ACAD11: variants seen among roughly 807,000 people sequenced by gnomAD.
ACAD11 encodes the protein acyl-Coenzyme A dehydrogenase family, member 11.
ACAD11 carries 83 observed loss-of-function variants against 102.2 expected under a neutral mutation model. That is an observed-to-expected ratio of 0.81 (90% CI 0.68 to 0.97). The LOEUF is 0.97. Ranked by LOEUF, ACAD11 falls within the 50% of genes least tolerant of loss-of-function variation. The pLI is 0.00. For missense variants in ACAD11, 901 were observed against 951.7 expected, an observed-to-expected ratio of 0.95 and a Z score of 0.70; for synonymous variants, 324 against 319.8, an observed-to-expected ratio of 1.01 and a Z score of -0.14.
intron 5 of ACAD11, among the ~76,000 whole-genome samples, chr3:132,635,632 G>C (rs1447724161): frequency 6.6e-6 from 1 of 152,144 alleles, no homozygotes; most frequent in East Asian, 1.9e-4. Context: ...CACAGGGTTA[G>C]TTTGAAGATT....
At chr3:132,561,311 C>T (rs1937050303) in intron 17 of ACAD11, 94 bp from the exon 18 acceptor site, 1 of 901,406 alleles carries the variant, frequency 1.1e-6, no homozygotes, top group Non-Finnish European at 1.8e-6. Flanking sequence ...TGAAAACACT[C>T]TCTAAGCCAG....
intron 1 of ACAD11, among the ~76,000 whole-genome samples, chr3:132,657,866 CTTTTTTTTT>C (rs56190801): frequency 8.4e-6 from 1 of 119,164 alleles, no homozygotes; most frequent in Admixed American, 8.9e-5. Flanking sequence ...ACACATATTC[CTTTTTTTTT>C]TTTTTTTTTT....
In ACAD11 at chr3:132,574,402, G is replaced by A. The variant is rs765419280; in HGVS notation, c.2001+1370C>T. Among the ~76,000 whole-genome samples, 8 of 152,268 alleles carry A rather than the reference G, an allele frequency of 5.3e-5. No individual in the cohort carries two copies. In the South Asian group the frequency reaches 6.2e-4, roughly 12 times the overall value. ...TGCTGTATACTAAAAACTTGCCTTC[G>A]CTGTATACTAAAAGGGCTCCTGACA... On this transcript the variant is annotated intron_variant, in intron 17 of 19. Transcript: ENST00000264990.
At chr3:132,612,528 A>G (rs1939202571) in intron 11 of ACAD11, among the ~76,000 whole-genome samples, 1 of 152,066 alleles carries the variant, frequency 6.6e-6, no homozygotes, top group African/African-American at 2.4e-5. Context: ...CAAATTTACA[A>G]GAAAAAAACA....
chr3:132,646,741 A>G (rs1450241319), intron 1 of ACAD11, among the ~76,000 whole-genome samples: 1 of 152,262 alleles, frequency 6.6e-6, no homozygotes, highest in African/African-American at 2.4e-5. Flanking sequence ...ATATCTATAC[A>G]ATGGATTATT....
intron 17 of ACAD11, among the ~76,000 whole-genome samples, chr3:132,565,105 C>T (rs1446011500): frequency 6.6e-6 from 1 of 152,174 alleles, no homozygotes; most frequent in Non-Finnish European, 1.5e-5. Context: ...CCACTTTACT[C>T]CAGCCAAACA....
At chr3:132,583,644 G>A (rs1937662398) in intron 13 of ACAD11, among the ~76,000 whole-genome samples, 2 of 151,764 alleles carry the variant, frequency 1.3e-5, no homozygotes, top group South Asian at 4.2e-4. Context: ...GTGATGTTAG[G>A]GTATCAATTT....
intron 17 of ACAD11, among the ~76,000 whole-genome samples, chr3:132,567,476 C>T (rs557788384): frequency 3.3e-5 from 5 of 151,742 alleles, no homozygotes; most frequent in Non-Finnish European, 7.4e-5. Context: ...AAGAGACACT[C>T]GAGAAACACT....
intron 5 of ACAD11, among the ~76,000 whole-genome samples, chr3:132,633,570 A>G (rs1299658589): frequency 6.6e-6 from 1 of 152,164 alleles, no homozygotes; most frequent in African/African-American, 2.4e-5. Context: ...CTTTGGTATC[A>G]GGATGATGCT....
chr3:132,624,064 C>T (rs1436727770), intron 9 of ACAD11, among the ~76,000 whole-genome samples: 1 of 151,284 alleles, frequency 6.6e-6, no homozygotes, highest in Non-Finnish European at 1.5e-5. Context: ...CCTGTAATCC[C>T]AGCGCTCTGG....
Position 132,559,051 on chromosome 3 carries a change from C to T in ACAD11, c.2263G>A (p.Gly755Arg), listed in dbSNP as rs749414415. 16 of 1,613,760 alleles carry T rather than the reference C, an allele frequency of 9.9e-6. No individual in the cohort carries two copies. The highest frequency in any genetic ancestry group is 1.3e-5 in the Non-Finnish European group (15 of 1,179,802). The change falls in exon 20 of 20, where the codon GGA (glycine) becomes AGA (arginine). Residue 755 changes from glycine to arginine, a missense_variant. Gly to Arg is a moderately radical substitution (Grantham distance 125). Transcript: ENST00000264990. ...GCTGAAAGATGAACTTCGTCAGGTC[C>T]ATCTGCTAAACGCAAAACTCGGGTT... ...AITRVLRLAD[G>R]PDEVHLSAIA...
intron 17 of ACAD11, among the ~76,000 whole-genome samples, chr3:132,565,012 G>A (rs2107780427): frequency 6.6e-6 from 1 of 152,174 alleles, no homozygotes; most frequent in South Asian, 2.1e-4. Context: ...AAAACATAAA[G>A]CACCCCAACA....
chr3:132,578,151 G>C (rs576298277), intron 15 of ACAD11, among the ~76,000 whole-genome samples: 7 of 152,302 alleles, frequency 4.6e-5, no homozygotes, highest in African/African-American at 1.4e-4. Context: ...CTGAGGTCAG[G>C]AGTTCGAGAC....
chr3:132,645,531 A>G (rs1255231661), intron 1 of ACAD11, among the ~76,000 whole-genome samples: 1 of 152,212 alleles, frequency 6.6e-6, no homozygotes, highest in Non-Finnish European at 1.5e-5. Context: ...AGCTACCAAA[A>G]CTATTCAGTC....
At chr3:132,588,668 G>T (rs1937952210) in intron 13 of ACAD11, among the ~76,000 whole-genome samples, 2 of 152,064 alleles carry the variant, frequency 1.3e-5, no homozygotes, top group Non-Finnish European at 2.9e-5. Flanking sequence ...AAATTTAATG[G>T]AATCTTGTTT....
chr3:132,593,180 C>T (rs888435745), intron 13 of ACAD11, among the ~76,000 whole-genome samples: 5 of 151,780 alleles, frequency 3.3e-5, no homozygotes, highest in African/African-American at 9.7e-5. Context: ...CTATATAAAA[C>T]TGCTGTACAT....
At chr3:132,642,560 A>G (rs1940564848) in intron 3 of ACAD11, 117 bp downstream of exon 3, 1 of 1,171,236 alleles carries the variant, frequency 8.5e-7, no homozygotes, top group Admixed American at 2.6e-5. Flanking sequence ...ATGCAATCTA[A>G]TTACCTAAAA....
chr3:132,558,713 G>A lies in ACAD11; in HGVS notation c.*258C>T. ...ATGGGGGTCTCGCTATGTTGCCCAGGCTGGTCCTGAACTCCTGGCCTCAAG... is the reference window on the plus strand; with the variant it reads ...ATGGGGGTCTCGCTATGTTGCCCAGACTGGTCCTGAACTCCTGGCCTCAAG... On this transcript the variant is annotated 3_prime_UTR_variant, in exon 20 of 20. Coordinates refer to ENST00000264990, the MANE Select transcript of ACAD11 (RefSeq NM_032169.5). The A allele has an allele frequency of 2.6e-6, 1 of 390,038 alleles. No homozygotes were observed. The highest frequency in any genetic ancestry group is 5.1e-5 in the East Asian group (1 of 19,738). The allele number at this position is 390,038 out of a possible 1,614,324, so 24.2% of individuals were successfully genotyped here.
intron 13 of ACAD11, chr3:132,602,082 C>T (rs1938632508): frequency 6.0e-6 from 1 of 166,338 alleles, no homozygotes; most frequent in African/African-American, 2.4e-5. Flanking sequence ...GATTTCCCTG[C>T]ATAATTTTAG....
Sources: gnomAD v4.1 joint callset for allele counts (sites outside exome capture counted in the v4.1 genomes callset) on GRCh38, gnomAD v4.1.1 for gene constraint, MANE v1.5 for transcripts, NCBI Gene and HGNC (gene_info 2026-07-23, HGNC 2026-07-21) for gene names.